Variants in RBM19 observed in about 807,000 individuals in gnomAD.
The protein encoded by RBM19 is probable RNA-binding protein 19.
Under a neutral mutation model 116.8 loss-of-function variants are expected in RBM19, and 94 were observed. The ratio of observed to expected loss-of-function variants is 0.80; its 90% CI spans 0.68 to 0.95. The LOEUF (loss-of-function observed/expected upper bound fraction) is 0.95, where lower values mean the gene tolerates loss of function less well. Among genes scored for constraint, RBM19 ranks in the 40% least tolerant of loss-of-function variants. The probability of loss-of-function intolerance (pLI) is 0.00; values close to 1 mark genes in which losing one functional copy is unlikely to be tolerated. For synonymous variants in RBM19, 475 were observed against 494.1 expected, an observed-to-expected ratio of 0.96 and a Z score of 0.51; for missense variants, 1,161 against 1,220.7, an observed-to-expected ratio of 0.95 and a Z score of 0.73.
At chr12:113,897,377 G>C (rs1297187730) in intron 21 of RBM19, among the ~76,000 whole-genome samples, 1 of 152,240 alleles carries the variant, frequency 6.6e-6, no homozygotes, top group Non-Finnish European at 1.5e-5. Context: ...CGTTGGCCAG[G>C]CTGGTCTCAA....
chr12:113,839,123 C>T (rs1457302925), intron 23 of RBM19, among the ~76,000 whole-genome samples: 1 of 152,216 alleles, frequency 6.6e-6, no homozygotes, highest in Admixed American at 6.5e-5. Flanking sequence ...AGGGCCGAGG[C>T]CAGAGCCAGG....
chr12:113,837,246 T>TACACACACAACAC (rs1876037339), intron 23 of RBM19, among the ~76,000 whole-genome samples: 2 of 126,806 alleles, frequency 1.6e-5, no homozygotes, highest in South Asian at 6.0e-4. Context: ...ATCCTCCTAA[T>TACACACACAACAC]ACACACACAC....
intron 23 of RBM19, among the ~76,000 whole-genome samples, chr12:113,833,294 C>A (rs1875593928): frequency 6.6e-6 from 1 of 152,232 alleles, no homozygotes; most frequent in African/African-American, 2.4e-5. Flanking sequence ...ACCCAAAATG[C>A]TCAATCCACC....
chr12:113,907,840 T>C (rs754900471), intron 21 of RBM19, among the ~76,000 whole-genome samples: 25 of 152,112 alleles, frequency 1.6e-4, no homozygotes, highest in Non-Finnish European at 8.8e-5. Flanking sequence ...CTCATCAAGG[T>C]AGGATGAGGT....
intron 21 of RBM19, among the ~76,000 whole-genome samples, chr12:113,897,108 T>C (rs1391661809): frequency 4.6e-5 from 7 of 152,250 alleles, no homozygotes; most frequent in African/African-American, 1.7e-4. Context: ...GCCCTCCCAA[T>C]AGACCCGGCA....
intron 2 of RBM19, 124 bp downstream of exon 2, chr12:113,962,108 T>C: frequency 8.5e-7 from 1 of 1,181,766 alleles, no homozygotes; most frequent in Non-Finnish European, 1.2e-6. Flanking sequence ...TGTGAATCGG[T>C]GAGGAAGAAA....
intron 22 of RBM19, among the ~76,000 whole-genome samples, chr12:113,853,997 G>A (rs537977908): frequency 1.3e-5 from 2 of 152,228 alleles, no homozygotes; most frequent in Non-Finnish European, 2.9e-5. Flanking sequence ...TAGGGAGAAG[G>A]GGAGCTACCC....
At chr12:113,957,141 C>A (rs1872015101) in intron 6 of RBM19, among the ~76,000 whole-genome samples, 1 of 152,198 alleles carries the variant, frequency 6.6e-6, no homozygotes, top group Non-Finnish European at 1.5e-5. Flanking sequence ...AGTCATTAGA[C>A]CTGCAGTAAC....
chr12:113,934,189 G>A (rs577001405), intron 16 of RBM19, among the ~76,000 whole-genome samples: 1 of 152,348 alleles, frequency 6.6e-6, no homozygotes, highest in Admixed American at 6.5e-5. Flanking sequence ...CTGGACTCGA[G>A]TGATCCTCCT....
intron 12 of RBM19, 73 bp from the exon 13 acceptor site, chr12:113,945,997 C>T (rs1020636222): frequency 2.9e-6 from 4 of 1,380,274 alleles, no homozygotes; most frequent in Non-Finnish European, 4.1e-6. Flanking sequence ...GACACGAATC[C>T]TGTAAGAAAT....
At chr12:113,826,027 C>T (rs966278247) in intron 23 of RBM19, among the ~76,000 whole-genome samples, 5 of 152,208 alleles carry the variant, frequency 3.3e-5, no homozygotes, top group East Asian at 1.9e-4. Flanking sequence ...CTCAGGCACT[C>T]GGGCCCCTTG....
chr12:113,845,094 C>T (rs1876841552), intron 22 of RBM19, among the ~76,000 whole-genome samples: 1 of 152,138 alleles, frequency 6.6e-6, no homozygotes, highest in South Asian at 2.1e-4. Flanking sequence ...GGAGGGCGAC[C>T]CCATTAGTGG....
chr12:113,912,108 TGAGGCCCGAGTGGAAGGCTGGTGGC>T (rs1439556963), intron 21 of RBM19, among the ~76,000 whole-genome samples: 1 of 152,212 alleles, frequency 6.6e-6, no homozygotes. Flanking sequence ...TGTGGTGCAC[TGAGGCCCGAGTGGAAGGCTGGTGGC>T]CTCCGGGAAG....
intron 15 of RBM19, among the ~76,000 whole-genome samples, chr12:113,937,780 A>C (rs1227631198): frequency 7.2e-6 from 1 of 138,240 alleles, no homozygotes; most frequent in Non-Finnish European, 1.6e-5. Flanking sequence ...AAAAAAAAAG[A>C]GGGGCCCTGG....
chr12:113,833,788 G>A (rs140537559), intron 23 of RBM19, among the ~76,000 whole-genome samples: 1,766 of 152,306 alleles, frequency 0.012, 46 homozygotes, highest in African/African-American at 0.04. Context: ...CTGTTGCCCA[G>A]GCTGGAGTGC....
At chr12:113,870,560 G>A (rs1391566167) in intron 21 of RBM19, among the ~76,000 whole-genome samples, 1 of 152,078 alleles carries the variant, frequency 6.6e-6, no homozygotes, top group African/African-American at 2.4e-5. Context: ...GAACAAGGAG[G>A]GCAGGTGATG....
chr12:113,956,944 C>T (rs1257369897), intron 6 of RBM19, among the ~76,000 whole-genome samples: 1 of 152,194 alleles, frequency 6.6e-6, no homozygotes, highest in Non-Finnish European at 1.5e-5. Context: ...GTGTGTAGCG[C>T]AGGCTCAGTT....
intron 6 of RBM19, among the ~76,000 whole-genome samples, chr12:113,956,577 A>AG (rs1491279518): frequency 5.8e-5 from 3 of 51,616 alleles, no homozygotes; most frequent in Non-Finnish European, 1.1e-4. Context: ...AGACTGTCTC[A>AG]AAAAAAAAAA....
At chr12:113,933,345 A>AGGG (rs1869780339) in intron 16 of RBM19, among the ~76,000 whole-genome samples, 1 of 16,110 alleles carries the variant, frequency 6.2e-5, no homozygotes, top group Non-Finnish European at 1.3e-4. Context: ...CAATGCAAAG[A>AGGG]GGGTGGGGGT....
Sources: gnomAD v4.1 joint callset for allele counts (sites outside exome capture counted in the v4.1 genomes callset) on GRCh38, gnomAD v4.1.1 for gene constraint, MANE v1.5 for transcripts, NCBI Gene and HGNC (gene_info 2026-07-23, HGNC 2026-07-21) for gene names.